Variants in TRIM55 observed in about 807,000 individuals in gnomAD.
TRIM55 encodes the protein tripartite motif containing 55, also known as tripartite motif-containing protein 55.
A neutral mutation model predicts 60.9 loss-of-function variants in TRIM55; 50 were observed. The ratio of observed to expected loss-of-function variants is 0.82; its 90% CI spans 0.65 to 1.04. TRIM55 has a LOEUF of 1.04. Among genes scored for constraint, TRIM55 ranks in the 50% least tolerant of loss-of-function variants. The pLI is 0.00. For missense variants in TRIM55, 681 were observed against 666.9 expected, an observed-to-expected ratio of 1.02 and a Z score of -0.23; for synonymous variants, 237 against 238.1, an observed-to-expected ratio of 1.00 and a Z score of 0.04.
the TRIM55 span, among the ~76,000 whole-genome samples, chr8:66,119,339 T>A: frequency 5.9e-5 from 9 of 152,242 alleles, no homozygotes; most frequent in African/African-American, 2.2e-4. Flanking sequence ...GCTCACTGTT[T>A]TGCTTCAAAC....
chr8:66,142,892 GGAGCT>G, intron 4 of TRIM55, among the ~76,000 whole-genome samples: 1 of 152,174 alleles, frequency 6.6e-6, no homozygotes, highest in Admixed American at 6.5e-5. Flanking sequence ...GCTTGTAACT[GGAGCT>G]TTATGAATGA....
chr8:66,123,995 G>C (rs1808727946), upstream of TRIM55, among the ~76,000 whole-genome samples: 1 of 152,102 alleles, frequency 6.6e-6, no homozygotes, highest in South Asian at 2.1e-4. Flanking sequence ...CACAAAGGGA[G>C]GTAGATGCAG....
chr8:66,122,452 G>A (rs1808668736), upstream of TRIM55, among the ~76,000 whole-genome samples: 1 of 152,066 alleles, frequency 6.6e-6, no homozygotes, highest in South Asian at 2.1e-4. Flanking sequence ...TGTCTCCCTA[G>A]AATGTATAAA....
rs1443838095 is a variant in TRIM55 at position 66,152,490 on chromosome 8, C to A, written c.1099C>A (p.Pro367Thr). ...GGTAGAAAATGTTCAAACAGAGTTT[C>A]CAGGAGAAGATGAAAACCCAGAAAA... ...EEVENVQTEF[P>T]GEDENPEKAS... The change falls in exon 8 of 10, where the codon CCA (proline) becomes ACA (threonine). Residue 367 changes from proline to threonine, a missense_variant. Transcript: ENST00000315962. 1 of 1,614,122 alleles carries A rather than the reference C, an allele frequency of 6.2e-7. No homozygotes were observed. The highest frequency in any genetic ancestry group is 1.1e-5 in the South Asian group (1 of 91,084).
At chr8:66,149,572 A>G in intron 4 of TRIM55, 73 bp from the exon 5 acceptor site, 1 of 1,192,584 alleles carries the variant, frequency 8.4e-7, no homozygotes. Flanking sequence ...CTTCTTTCCC[A>G]GGATAACTAG....
At chr8:66,139,035 G>C (rs953624497) in intron 4 of TRIM55, among the ~76,000 whole-genome samples, 2 of 152,056 alleles carry the variant, frequency 1.3e-5, no homozygotes, top group African/African-American at 4.8e-5. Flanking sequence ...AAAGATCCAT[G>C]ATCAGTCTGG....
At chr8:66,146,720 T>A (rs1682762546) in intron 4 of TRIM55, among the ~76,000 whole-genome samples, 1 of 152,128 alleles carries the variant, frequency 6.6e-6, no homozygotes, top group Non-Finnish European at 1.5e-5. Flanking sequence ...CAAAAGATAA[T>A]ACAGTGAAAG....
intron 9 of TRIM55, among the ~76,000 whole-genome samples, chr8:66,164,933 A>AGAAGGAAGGAAGGAAGGAAG (rs66566563): frequency 2.0e-5 from 3 of 148,924 alleles, no homozygotes; most frequent in Non-Finnish European, 4.5e-5. Flanking sequence ...GAAGGAGGAA[A>AGAAGGAAGGAAGGAAGGAAG]GAAGGAAGGA....
chr8:66,163,107 C>T (rs896844049), intron 9 of TRIM55, among the ~76,000 whole-genome samples: 2 of 152,092 alleles, frequency 1.3e-5, no homozygotes, highest in African/African-American at 2.4e-5. Context: ...GTTTGTCCCT[C>T]CCCCAGTACC....
At chr8:66,152,664 G>A (rs1436174420) in intron 8 of TRIM55, 37 bp downstream of exon 8, 2 of 1,592,906 alleles carry the variant, frequency 1.3e-6, no homozygotes, top group Non-Finnish European at 1.7e-6. Flanking sequence ...AGGGCACATG[G>A]GCGTGTCTCC....
intron 4 of TRIM55, 150 bp from the exon 5 acceptor site, chr8:66,149,495 G>A (rs1034992111): frequency 3.3e-6 from 2 of 614,312 alleles, no homozygotes; most frequent in Non-Finnish European, 5.7e-6. Flanking sequence ...CACCAACATA[G>A]TGGGTATCCA....
At chr8:66,150,535 A>G (rs1336559799) in intron 7 of TRIM55, 69 bp downstream of exon 7, 1 of 1,585,080 alleles carries the variant, frequency 6.3e-7, no homozygotes, top group African/African-American at 1.4e-5. Context: ...GTTGGGTGGG[A>G]GGAAAGCGGG....
chr8:66,149,282 C>T (rs1428101298), intron 4 of TRIM55, among the ~76,000 whole-genome samples: 1 of 152,136 alleles, frequency 6.6e-6, no homozygotes, highest in Non-Finnish European at 1.5e-5. Context: ...TGCATGCACA[C>T]ACATGCACAC....
intron 9 of TRIM55, among the ~76,000 whole-genome samples, chr8:66,164,763 C>T (rs1189715312): frequency 1.3e-5 from 2 of 152,170 alleles, no homozygotes; most frequent in East Asian, 1.9e-4. Context: ...GAGAAAATGT[C>T]GCCAAGGAAA....
rs566641857 is a variant in TRIM55 at position 66,168,771 on chromosome 8, G to T, written c.1525-5700G>T. On this transcript the variant is annotated intron_variant, in intron 9 of 9. Coordinates refer to ENST00000315962, the MANE Select transcript of TRIM55 (RefSeq NM_184085.2). Reference sequence around the variant, plus strand: ...GCAGCCCAGCTGTGGGGGCCTTGGCGTAAATTTCCTCAAGGCCCCCAATAT... The same window carrying T: ...GCAGCCCAGCTGTGGGGGCCTTGGCTTAAATTTCCTCAAGGCCCCCAATAT... Among the ~76,000 whole-genome samples the T allele has an allele frequency of 8.5e-5, 13 of 152,310 alleles. No homozygotes were observed. The South Asian group carries it at 2.5e-3, about 29-fold the overall frequency.
At chr8:66,165,683 C>T (rs1811289307) in intron 9 of TRIM55, among the ~76,000 whole-genome samples, 1 of 152,114 alleles carries the variant, frequency 6.6e-6, no homozygotes, top group Non-Finnish European at 1.5e-5. Flanking sequence ...GCGCCCTGAC[C>T]GTGCTGGAAT....
chr8:66,121,355 G>T, the TRIM55 span, among the ~76,000 whole-genome samples: 2 of 152,360 alleles, frequency 1.3e-5, no homozygotes, highest in African/African-American at 4.8e-5. Context: ...CTCCCGATCA[G>T]TTTCTAGCTT....
chr8:66,150,020 A>G (rs1810320426), intron 5 of TRIM55, 142 bp downstream of exon 5: 4 of 904,458 alleles, frequency 4.4e-6, no homozygotes, highest in East Asian at 2.6e-5. Flanking sequence ...CTTATATATT[A>G]ATCTATTTAA....
intron 9 of TRIM55, among the ~76,000 whole-genome samples, chr8:66,167,809 T>A (rs1811407763): frequency 6.6e-6 from 1 of 152,150 alleles, no homozygotes; most frequent in South Asian, 2.1e-4. Flanking sequence ...AATGCAGTGG[T>A]GTGATCATAG....
Sources: gnomAD v4.1 joint callset for allele counts (sites outside exome capture counted in the v4.1 genomes callset) on GRCh38, gnomAD v4.1.1 for gene constraint, MANE v1.5 for transcripts, NCBI Gene and HGNC (gene_info 2026-07-23, HGNC 2026-07-21) for gene names.